Variants in RUFY1 observed in about 807,000 individuals in gnomAD.
RUFY1 encodes the protein RUN and FYVE domain containing 1.
RUFY1 carries 54 observed loss-of-function variants against 94.6 expected under a neutral mutation model. That is an observed-to-expected ratio of 0.57 (90% CI 0.46 to 0.72). The LOEUF (loss-of-function observed/expected upper bound fraction) is 0.72, where lower values mean the gene tolerates loss of function less well. Among genes scored for constraint, RUFY1 ranks in the 30% least tolerant of loss-of-function variants. The probability of loss-of-function intolerance (pLI) is 0.00; values close to 1 mark genes in which losing one functional copy is unlikely to be tolerated. For missense variants in RUFY1, 883 were observed against 883.9 expected (o/e 1.00, Z 0.01); for synonymous variants, 396 against 347.3 (o/e 1.14, Z -1.56).
chr5:179,552,288 T>C (rs1267352121), intron 1 of RUFY1, among the ~76,000 whole-genome samples: 1 of 151,774 alleles, frequency 6.6e-6, no homozygotes, highest in Non-Finnish European at 1.5e-5. Flanking sequence ...ATTGCCAACT[T>C]CATAGAAAAT....
Position 179,592,098 on chromosome 5 carries a change from C to A in RUFY1, c.1245+357C>A, listed in dbSNP as rs549849178. Among the ~76,000 whole-genome samples, 137 of 152,134 alleles carry A rather than the reference C, an allele frequency of 9.0e-4. 1 individual carries two copies. The highest frequency in any genetic ancestry group is 1.5e-3 in the Non-Finnish European group (105 of 67,988). Reference sequence around the variant, plus strand: ...TAGCTGGGATTGCAGGCACCCGCCACCACACCCGGCTAATTTTTTGGTTTT... The same window carrying A: ...TAGCTGGGATTGCAGGCACCCGCCAACACACCCGGCTAATTTTTTGGTTTT... On this transcript the variant is annotated intron_variant, in intron 10 of 17. Transcript: ENST00000319449.
intron 6 of RUFY1, among the ~76,000 whole-genome samples, chr5:179,578,495 A>G (rs972576353): frequency 6.6e-5 from 10 of 152,098 alleles, no homozygotes; most frequent in Admixed American, 5.2e-4. Flanking sequence ...CTGGGATTAC[A>G]GGCGTGAGCC....
At chr5:179,580,839 C>A in intron 6 of RUFY1, 108 bp from the exon 7 acceptor site, 1 of 634,168 alleles carries the variant, frequency 1.6e-6, no homozygotes, top group Non-Finnish European at 2.7e-6. Flanking sequence ...CTCTTGGTTT[C>A]TTGAAGACAT....
intron 1 of RUFY1, among the ~76,000 whole-genome samples, chr5:179,557,998 CT>C (rs1186254568): frequency 6.6e-6 from 1 of 152,040 alleles, no homozygotes; most frequent in Non-Finnish European, 1.5e-5. Flanking sequence ...GCCTGTGAAA[CT>C]TGAAAATCTG....
intron 2 of RUFY1, 129 bp from the exon 3 acceptor site, chr5:179,562,418 T>C: frequency 1.5e-6 from 1 of 671,294 alleles, no homozygotes; most frequent in Admixed American, 2.4e-5. Context: ...AAAAGATTTT[T>C]AAAAAAGGAT....
At chr5:179,570,651 G>GA (rs576784126) in intron 5 of RUFY1, among the ~76,000 whole-genome samples, 14 of 152,132 alleles carry the variant, frequency 9.2e-5, no homozygotes, top group African/African-American at 2.9e-4. Context: ...CCACTGCCCA[G>GA]AAAAAAGAGA....
At chr5:179,551,151 G>C (rs939687695) in intron 1 of RUFY1, among the ~76,000 whole-genome samples, 3 of 152,198 alleles carry the variant, frequency 2.0e-5, no homozygotes, top group African/African-American at 7.2e-5. Context: ...GCGCGTCCGG[G>C]CTTCGGAACT....
chr5:179,579,657 C>CTTCTTTTTTTTTTTTTTTTTT (rs1433456916), intron 6 of RUFY1, among the ~76,000 whole-genome samples: 2 of 50,548 alleles, frequency 4.0e-5, no homozygotes, highest in African/African-American at 1.2e-4. Flanking sequence ...TTTTCTTCTT[C>CTTCTTTTTTTTTTTTTTTTTT]TTTTTTTTTT....
At chr5:179,589,510 T>C in intron 8 of RUFY1, 36 bp from the exon 9 acceptor site, 2 of 1,268,036 alleles carry the variant, frequency 1.6e-6, no homozygotes. Flanking sequence ...AAGATTAATT[T>C]TGATGTTAAG....
chr5:179,580,241 G>GTGTGTGTGTGTA (rs149099074), intron 6 of RUFY1, among the ~76,000 whole-genome samples: 2 of 93,852 alleles, frequency 2.1e-5, no homozygotes, highest in Non-Finnish European at 4.7e-5. Flanking sequence ...GTGTGTGTGT[G>GTGTGTGTGTGTA]TATATTTTTT....
chr5:179,578,270 G>A (rs1428191679), intron 6 of RUFY1, among the ~76,000 whole-genome samples: 1 of 152,200 alleles, frequency 6.6e-6, no homozygotes, highest in Non-Finnish European at 1.5e-5. Context: ...CTGGAGTGCA[G>A]TGGTGCAATC....
At chr5:179,608,578 A>G (rs888275588) in intron 17 of RUFY1, 9 of 985,410 alleles carry the variant, frequency 9.1e-6, no homozygotes, top group Non-Finnish European at 9.6e-6. Context: ...TGTAACATGG[A>G]CTAGCAGCTC....
intron 7 of RUFY1, among the ~76,000 whole-genome samples, chr5:179,585,004 G>T (rs1043625500): frequency 1.3e-5 from 2 of 151,930 alleles, no homozygotes; most frequent in Non-Finnish European, 2.9e-5. Flanking sequence ...GTTGACGGGC[G>T]CCTGTGGTCC....
At chr5:179,576,197 CA>C (rs1763598809) in intron 5 of RUFY1, among the ~76,000 whole-genome samples, 1 of 152,174 alleles carries the variant, frequency 6.6e-6, no homozygotes, top group Non-Finnish European at 1.5e-5. Context: ...ATTTAGGGTA[CA>C]CCCAGTTTTC....
At chr5:179,553,160 T>C (rs1761939638) in intron 1 of RUFY1, among the ~76,000 whole-genome samples, 1 of 152,250 alleles carries the variant, frequency 6.6e-6, no homozygotes, top group South Asian at 2.1e-4. Flanking sequence ...CTACCCTCCC[T>C]GATCCCACTC....
In RUFY1 at chr5:179,591,716, T is replaced by C. The variant is rs142906534; in HGVS notation, c.1220T>C (p.Leu407Pro). ...DEMYSDVWKQ[L>P]KEEKKVRLEL... ...ATGTACAGTGATGTGTGGAAGCAGC[T>C]AAAAGAGGAGAAGAAAGTCCGGTTG... The change falls in exon 10 of 18, where the codon CTA becomes CCA. Residue 407 changes from leucine to proline, a missense_variant. Physicochemically the swap from Leu to Pro is moderately conservative, Grantham distance 98. Coordinates refer to ENST00000319449, the MANE Select transcript of RUFY1 (RefSeq NM_025158.5). 5 of 1,609,304 alleles carry C rather than the reference T, an allele frequency of 3.1e-6. No individual in the cohort carries two copies. Among genetic ancestry groups the C allele is most frequent in the Non-Finnish European group, 4.2e-6 (5 of 1,178,372 alleles).
intron 17 of RUFY1, 80 bp downstream of exon 17, chr5:179,607,739 C>T: frequency 8.1e-7 from 1 of 1,241,740 alleles, no homozygotes; most frequent in South Asian, 1.2e-5. Context: ...TCCAGAAGCC[C>T]ATATCAGAGC....
intron 7 of RUFY1, among the ~76,000 whole-genome samples, chr5:179,583,712 C>T (rs988801664): frequency 3.5e-5 from 5 of 142,962 alleles, no homozygotes; most frequent in African/African-American, 1.3e-4. Flanking sequence ...CCACTGTGCC[C>T]GGCCAGTCAT....
At chr5:179,579,657 C>CTTTTTTTTTTTCTTTTTTTTTTTT (rs1763946884) in intron 6 of RUFY1, among the ~76,000 whole-genome samples, 1 of 50,548 alleles carries the variant, frequency 2.0e-5, no homozygotes, top group Non-Finnish European at 3.8e-5. Context: ...TTTTCTTCTT[C>CTTTTTTTTTTTCTTTTTTTTTTTT]TTTTTTTTTT....
Sources: allele counts gnomAD v4.1 joint callset (sites outside exome capture counted in the v4.1 genomes callset), GRCh38; gene constraint gnomAD v4.1.1; transcripts MANE v1.5; gene names NCBI Gene and HGNC (gene_info 2026-07-23, HGNC 2026-07-21).